NRG1: variants seen among roughly 807,000 people sequenced by gnomAD.
The protein encoded by NRG1 is neuregulin 1, also known as pro-neuregulin-1, membrane-bound isoform.
Under a neutral mutation model 63.8 loss-of-function variants are expected in NRG1, and 18 were observed. The ratio of observed to expected loss-of-function variants is 0.28; its 90% confidence interval spans 0.19 to 0.42. The LOEUF (loss-of-function observed/expected upper bound fraction) is 0.42, where lower values mean the gene tolerates loss of function less well. Among genes scored for constraint, NRG1 ranks in the 10% least tolerant of loss-of-function variants. The probability of loss-of-function intolerance (pLI) is 1.00; values close to 1 mark genes in which losing one functional copy is unlikely to be tolerated. For missense variants in NRG1, 762 were observed against 814.7 expected (o/e 0.94, Z 0.79); for synonymous variants, 302 against 301.3 (o/e 1.00, Z -0.02).
intron 1 of NRG1, among the ~76,000 whole-genome samples, chr8:32,238,307 A>G (rs540382486): frequency 1.3e-5 from 2 of 152,174 alleles, no homozygotes; most frequent in South Asian, 4.2e-4. Context: ...TCTACTAAAA[A>G]TCTTAGCTGG....
intron 1 of NRG1, among the ~76,000 whole-genome samples, chr8:32,298,962 G>A (rs997368112): frequency 2.0e-5 from 3 of 146,856 alleles, no homozygotes; most frequent in African/African-American, 7.7e-5. Flanking sequence ...GGGAGTCAGA[G>A]GTTGCAGTGA....
At chr8:32,380,468 A>G (rs1810208292) in intron 1 of NRG1, among the ~76,000 whole-genome samples, 1 of 152,008 alleles carries the variant, frequency 6.6e-6, no homozygotes, top group South Asian at 2.1e-4. Flanking sequence ...TCTCCCCTGG[A>G]CTTCAGACTT....
At chr8:31,981,378 T>C (rs1186028513) in intron 1 of NRG1, among the ~76,000 whole-genome samples, 1 of 152,036 alleles carries the variant, frequency 6.6e-6, no homozygotes, top group Non-Finnish European at 1.5e-5. Flanking sequence ...CAGAGCAACT[T>C]GAATCTACGC....
At chr8:32,191,013 T>C (rs527574364) in intron 1 of NRG1, among the ~76,000 whole-genome samples, 3 of 152,312 alleles carry the variant, frequency 2.0e-5, no homozygotes, top group African/African-American at 7.2e-5. Context: ...AGACAATACT[T>C]CTGTCTTCCC....
rs527311309 is a variant in NRG1, at chr8:32,083,667, T to C, written c.37+444236T>C. ...AATGAGCTATCTGCATGGTTGGAAATAGTCTGGGTTTGTTCTAAATTTTAC... is the reference window on the plus strand; with the variant it reads ...AATGAGCTATCTGCATGGTTGGAAACAGTCTGGGTTTGTTCTAAATTTTAC... On this transcript the variant is annotated intron_variant, in intron 1 of 10. Transcript: ENST00000519301. Among the ~76,000 whole-genome samples the C allele has an allele frequency of 7.3e-5, 11 of 151,448 alleles. 1 individual carries two copies. The highest frequency in any genetic ancestry group is 2.6e-4 in the Admixed American group (4 of 15,114).
intron 1 of NRG1, among the ~76,000 whole-genome samples, chr8:32,445,658 A>C (rs1002979101): frequency 6.6e-6 from 1 of 152,154 alleles, no homozygotes; most frequent in Non-Finnish European, 1.5e-5. Context: ...CTTTTCTTTA[A>C]TTCATTCCTT....
At chr8:32,092,642 G>T (rs964691198) in intron 1 of NRG1, among the ~76,000 whole-genome samples, 1 of 152,022 alleles carries the variant, frequency 6.6e-6, no homozygotes, top group Non-Finnish European at 1.5e-5. Context: ...GTTACATCTG[G>T]GAGTTGTAAT....
intron 1 of NRG1, among the ~76,000 whole-genome samples, chr8:32,425,784 G>A (rs567822014): frequency 2.7e-5 from 4 of 150,454 alleles, no homozygotes; most frequent in South Asian, 2.1e-4. Context: ...AAAGTCACAC[G>A]ATAGAGGAGC....
intron 1 of NRG1, among the ~76,000 whole-genome samples, chr8:32,081,754 C>T (rs1192169685): frequency 6.6e-6 from 1 of 151,410 alleles, no homozygotes; most frequent in African/African-American, 2.4e-5. Flanking sequence ...CCCTTGGGTC[C>T]CAAAGTCAAT....
intron 1 of NRG1, among the ~76,000 whole-genome samples, chr8:31,978,674 A>G (rs1160745320): frequency 6.6e-6 from 1 of 152,112 alleles, no homozygotes. Flanking sequence ...ATCTAAAAAT[A>G]AGGGAAAATA....
intron 2 of NRG1, among the ~76,000 whole-genome samples, chr8:32,604,830 T>G (rs1289179004): frequency 2.6e-5 from 4 of 151,936 alleles, no homozygotes; most frequent in African/African-American, 9.7e-5. Flanking sequence ...ATAGGTTATG[T>G]GCAACAGTAA....
chr8:31,870,438 A>G (rs1585391715), intron 1 of NRG1, among the ~76,000 whole-genome samples: 1 of 152,160 alleles, frequency 6.6e-6, no homozygotes, highest in African/African-American at 2.4e-5. Context: ...AAGATAACTT[A>G]GAAGGAAAGA....
intron 1 of NRG1, among the ~76,000 whole-genome samples, chr8:32,429,615 G>A (rs1817869770): frequency 6.6e-6 from 1 of 152,164 alleles, no homozygotes; most frequent in African/African-American, 2.4e-5. Flanking sequence ...GAAAATAAAA[G>A]CTTCATTTGA....
chr8:32,466,360 T>C lies in NRG1; in HGVS notation c.38-129468T>C, dbSNP rs115773538. Among the ~76,000 whole-genome samples, 458 of 142,148 alleles carry C rather than the reference T, an allele frequency of 3.2e-3. 3 individuals carry two copies. Among genetic ancestry groups the C allele is most frequent in the African/African-American group, 0.012 (442 of 37,772 alleles). 93.3% of individuals were successfully genotyped at this position (142,148 alleles called of 152,430 possible). ...AAATTTCACTGATGACAATAAATAT[T>C]ACCTTGACATCAAAAAAAAAAAAAA... On this transcript the variant is annotated intron_variant, in intron 1 of 10. Transcript: ENST00000519301.
intron 1 of NRG1, among the ~76,000 whole-genome samples, chr8:32,549,587 A>C (rs1833741179): frequency 6.6e-6 from 1 of 152,242 alleles, no homozygotes; most frequent in African/African-American, 2.4e-5. Context: ...GAGATGTAAG[A>C]AAACAACCGT....
chr8:32,478,778 C>T (rs1824863993), intron 1 of NRG1, among the ~76,000 whole-genome samples: 1 of 152,200 alleles, frequency 6.6e-6, no homozygotes, highest in South Asian at 2.1e-4. Flanking sequence ...CAAGATGTTT[C>T]ATGAGTTCAG....
chr8:32,752,367 A>G (rs971882618), intron 7 of NRG1, among the ~76,000 whole-genome samples: 2 of 152,158 alleles, frequency 1.3e-5, no homozygotes, highest in African/African-American at 4.8e-5. Context: ...GACATATGCA[A>G]TTAACATATA....
intron 1 of NRG1, among the ~76,000 whole-genome samples, chr8:32,500,926 A>T (rs1365111514): frequency 6.6e-6 from 1 of 152,198 alleles, no homozygotes; most frequent in East Asian, 1.9e-4. Flanking sequence ...TTATGAATCC[A>T]TCAGCTTCTC....
intron 1 of NRG1, among the ~76,000 whole-genome samples, chr8:31,781,227 A>G (rs1819652022): frequency 6.6e-6 from 1 of 152,172 alleles, no homozygotes; most frequent in Non-Finnish European, 1.5e-5. Context: ...CATTAATTTG[A>G]TTGAAGCCTT....
Sources: allele counts gnomAD v4.1 joint callset (sites outside exome capture counted in the v4.1 genomes callset), GRCh38; gene constraint gnomAD v4.1.1; transcripts MANE v1.5; gene names NCBI Gene and HGNC (gene_info 2026-07-23, HGNC 2026-07-21).